The following SLC8A1 variants were observed in gnomAD, a reference collection of about 807,000 sequenced individuals.
SLC8A1 encodes the protein sodium/calcium exchanger 1.
SLC8A1 carries 18 observed loss-of-function variants against 68.3 expected under a neutral mutation model. The observed-to-expected ratio is 0.26, with a 90% CI of 0.18 to 0.39. SLC8A1 has a LOEUF of 0.39. SLC8A1 is among the 10% of genes least tolerant of loss of function. SLC8A1 has a pLI of 1.00. For synonymous variants in SLC8A1, 475 were observed against 415.5 expected, an observed-to-expected ratio of 1.14 and a Z score of -1.74; for missense variants, 985 against 1,156.7, an observed-to-expected ratio of 0.85 and a Z score of 2.15.
intron 7 of SLC8A1, among the ~76,000 whole-genome samples, chr2:40,124,297 A>G (rs2037578252): frequency 6.6e-6 from 1 of 152,164 alleles, no homozygotes; most frequent in Non-Finnish European, 1.5e-5. Context: ...AGATGCCCAA[A>G]ATGTGCCTTT....
At chr2:40,167,056 G>C (rs916420538) in intron 4 of SLC8A1, among the ~76,000 whole-genome samples, 5 of 152,192 alleles carry the variant, frequency 3.3e-5, no homozygotes, top group African/African-American at 1.2e-4. Flanking sequence ...TGGTAGCATT[G>C]TTAAGTGCAG....
At chr2:40,127,052 G>A (rs2038265867) in intron 7 of SLC8A1, among the ~76,000 whole-genome samples, 1 of 152,126 alleles carries the variant, frequency 6.6e-6, no homozygotes, top group African/African-American at 2.4e-5. Flanking sequence ...TTTATGAATG[G>A]TGTGGAGGAA....
At chr2:40,219,964 C>G (rs531719438) in intron 2 of SLC8A1, among the ~76,000 whole-genome samples, 3 of 148,466 alleles carry the variant, frequency 2.0e-5, no homozygotes, top group Non-Finnish European at 4.4e-5. Context: ...TAAAATTGTG[C>G]CAAATAAATA....
upstream of SLC8A1, among the ~76,000 whole-genome samples, chr2:40,453,688 A>T (rs1178943304): frequency 6.6e-6 from 1 of 152,230 alleles, no homozygotes; most frequent in Non-Finnish European, 1.5e-5. Context: ...TGTGCAATGA[A>T]GGTTGAGAAC....
chr2:40,209,710 C>G (rs2056219318), intron 2 of SLC8A1, among the ~76,000 whole-genome samples: 1 of 151,926 alleles, frequency 6.6e-6, no homozygotes, highest in Non-Finnish European at 1.5e-5. Context: ...AGACGCTGGC[C>G]CATGGGTAGA....
intron 2 of SLC8A1, among the ~76,000 whole-genome samples, chr2:40,359,734 T>C (rs1325676327): frequency 1.3e-5 from 2 of 152,058 alleles, no homozygotes; most frequent in Non-Finnish European, 1.5e-5. Context: ...ATACAGAGTA[T>C]ATGGAAATAT....
chr2:40,447,777 A>T (rs1388478512), intron 1 of SLC8A1, among the ~76,000 whole-genome samples: 1 of 152,164 alleles, frequency 6.6e-6, no homozygotes, highest in Non-Finnish European at 1.5e-5. Context: ...TGAACCTGGG[A>T]ATGCTTTGCC....
chr2:40,256,654 A>T (rs767849623), intron 2 of SLC8A1, among the ~76,000 whole-genome samples: 13 of 151,998 alleles, frequency 8.6e-5, no homozygotes, highest in Non-Finnish European at 1.8e-4. Context: ...AAATCACCCA[A>T]CCTTTCCTAA....
At chr2:40,215,261 A>T (rs926316539) in intron 2 of SLC8A1, among the ~76,000 whole-genome samples, 1 of 151,954 alleles carries the variant, frequency 6.6e-6, no homozygotes, top group Non-Finnish European at 1.5e-5. Context: ...GAACTCCTGG[A>T]CTCAAGCTAT....
At chr2:40,142,899 C>T (rs146538856) in intron 6 of SLC8A1, among the ~76,000 whole-genome samples, 147 of 151,756 alleles carry the variant, frequency 9.7e-4, no homozygotes, top group African/African-American at 2.9e-3. Context: ...TTAATTTTGC[C>T]CTCTGAAATT....
At chr2:40,509,379 C>T (rs1462086124) in intron 1 of SLC8A1, among the ~76,000 whole-genome samples, 2 of 147,294 alleles carry the variant, frequency 1.4e-5, no homozygotes, top group Admixed American at 1.4e-4. Flanking sequence ...CTTTACTATT[C>T]TGTCAGGGAC....
intron 1 of SLC8A1, among the ~76,000 whole-genome samples, chr2:40,449,831 A>C (rs974658935): frequency 6.6e-6 from 1 of 152,158 alleles, no homozygotes; most frequent in East Asian, 1.9e-4. Flanking sequence ...TCAACAATAA[A>C]TAATGGTTTA....
chr2:40,327,998 A>T (rs558286012), intron 2 of SLC8A1, among the ~76,000 whole-genome samples: 1 of 152,298 alleles, frequency 6.6e-6, no homozygotes, highest in African/African-American at 2.4e-5. Context: ...CATATAATAC[A>T]GTTGGGGAAA....
chr2:40,115,604 G>A, exon 8 of SLC8A1: 1 of 1,610,282 alleles, frequency 6.2e-7, no homozygotes, highest in African/African-American at 1.3e-5. Flanking sequence ...GGTCCTGGGT[G>A]GCTGCCACTT....
intron 2 of SLC8A1, among the ~76,000 whole-genome samples, chr2:40,319,756 C>A (rs2149335516): frequency 6.6e-6 from 1 of 152,166 alleles, no homozygotes; most frequent in South Asian, 2.1e-4. Flanking sequence ...CCCAGGACAA[C>A]CATTTTAGTA....
At chr2:40,214,000 G>C (rs2057048599) in intron 2 of SLC8A1, among the ~76,000 whole-genome samples, 1 of 152,144 alleles carries the variant, frequency 6.6e-6, no homozygotes, top group South Asian at 2.1e-4. Flanking sequence ...CAGATATTCA[G>C]AAATCCTCAG....
chr2:40,467,942 G>T (rs1183723584), intron 1 of SLC8A1, among the ~76,000 whole-genome samples: 1 of 152,000 alleles, frequency 6.6e-6, no homozygotes, highest in East Asian at 1.9e-4. Context: ...TTAAATATGG[G>T]TATAACTTTA....
intron 2 of SLC8A1, among the ~76,000 whole-genome samples, chr2:40,192,903 T>C (rs1288265442): frequency 1.3e-5 from 2 of 152,178 alleles, no homozygotes; most frequent in Non-Finnish European, 2.9e-5. Flanking sequence ...ATCCTGGGTC[T>C]TCAGACCCCC....
chr2:40,347,211 T>C (rs1669640252), intron 2 of SLC8A1, among the ~76,000 whole-genome samples: 1 of 152,220 alleles, frequency 6.6e-6, no homozygotes, highest in Non-Finnish European at 1.5e-5. Context: ...CATAGCTCAC[T>C]GCAGCCCCAA....
Sources: gnomAD v4.1 joint callset for allele counts (sites outside exome capture counted in the v4.1 genomes callset) on GRCh38, gnomAD v4.1.1 for gene constraint, MANE v1.5 for transcripts, NCBI Gene and HGNC (gene_info 2026-07-23, HGNC 2026-07-21) for gene names.